The following APEX2 variants were observed in gnomAD, a reference collection of about 807,000 sequenced individuals.
APEX2 encodes DNA-(apurinic or apyrimidinic site) endonuclease 2.
APEX2 carries 4 observed loss-of-function variants against 16.7 expected under a neutral mutation model. The ratio of observed to expected loss-of-function variants is 0.24; its 90% CI spans 0.12 to 0.55. The LOEUF (loss-of-function observed/expected upper bound fraction) is 0.55, where lower values mean the gene tolerates loss of function less well. APEX2 is among the 20% of genes least tolerant of loss of function. The probability of loss-of-function intolerance (pLI) is 0.94; values close to 1 mark genes in which losing one functional copy is unlikely to be tolerated. For synonymous variants in APEX2, 181 were observed against 166.9 expected (o/e 1.08, Z -0.65); for missense variants, 357 against 433.6 (o/e 0.82, Z 1.57).
At chrX:55,004,689 C>T (rs1226505835) in intron 5 of APEX2, among the ~76,000 whole-genome samples, 1 of 111,483 alleles carries the variant, frequency 9.0e-6, no homozygotes, top group Non-Finnish European at 1.9e-5. Context: ...AAGTTATTCT[C>T]ATTCTGGCTT....
chrX:55,000,723 A>G, intron 1 of APEX2, 144 bp downstream of exon 1: 3 of 677,497 alleles, frequency 4.4e-6, no homozygotes, highest in East Asian at 8.1e-5. Flanking sequence ...TTAAACTTCC[A>G]TTTCCCACCC....
At position 55,000,451 on chromosome X, in the gene APEX2, A is replaced by G. The variant is rs753400276; in HGVS notation, c.29A>G (p.Asn10Ser). The G allele has an allele frequency of 5.8e-6, 7 of 1,198,501 alleles. No individual in the cohort carries two copies. The Admixed American group carries it at 1.1e-4, about 19-fold the overall frequency. MLRVVSWNINGIRRPLQGVA... is the reference protein window; with the variant it reads MLRVVSWNISGIRRPLQGVA... ...TTGCGCGTGGTGAGCTGGAACATCA[A>G]TGGGATTCGGAGACCCCTGCAAGGG... The change falls in exon 1 of 6, where the codon AAT becomes AGT. Residue 10 changes from asparagine to serine, a missense_variant. Coordinates refer to ENST00000374987, the MANE Select transcript of APEX2 (RefSeq NM_014481.4).
In APEX2 at chrX:55,001,348, C is replaced by T. The variant is rs774310219; in HGVS notation, c.158-198C>T. On this transcript the variant is annotated intron_variant, in intron 1 of 5. Coordinates refer to ENST00000374987, the MANE Select transcript of APEX2 (RefSeq NM_014481.4). ...CTCTAACCGCCCCCCACCAAGCCTT[C>T]TAATTCTGATATCAATTTCCTCTCT... Among the ~76,000 whole-genome samples, 275 of 111,373 alleles carry T rather than the reference C, an allele frequency of 2.5e-3. 1 individual carries two copies. Among genetic ancestry groups the T allele is most frequent in the African/African-American group, 8.3e-3 (254 of 30,573 alleles).
chrX:55,003,337 A>T (rs1291941744), intron 4 of APEX2, among the ~76,000 whole-genome samples: 1 of 112,962 alleles, frequency 8.9e-6, no homozygotes, highest in Non-Finnish European at 1.9e-5. Context: ...CCCTAGGGCT[A>T]GTCTTGCCTC....
intron 5 of APEX2, among the ~76,000 whole-genome samples, chrX:55,004,853 A>G (rs974515385): frequency 3.6e-5 from 4 of 111,638 alleles, no homozygotes; most frequent in Non-Finnish European, 5.6e-5. Context: ...CTCCAGATCA[A>G]TGAACTCAGA....
chrX:55,005,241 T>C (rs997639618), intron 5 of APEX2, among the ~76,000 whole-genome samples: 2 of 112,073 alleles, frequency 1.8e-5, no homozygotes, highest in Non-Finnish European at 3.8e-5. Context: ...ATTCCTCTTA[T>C]GCATTCATTC....
chrX:55,000,820 C>T (rs1184991434), intron 1 of APEX2, among the ~76,000 whole-genome samples: 3 of 109,860 alleles, frequency 2.7e-5, no homozygotes, highest in Middle Eastern at 4.6e-3. Context: ...CAGATTCCCA[C>T]TCATTCTCCG....
intron 4 of APEX2, among the ~76,000 whole-genome samples, 194 bp from the exon 5 acceptor site, chrX:55,003,605 A>G (rs930654962): frequency 9.0e-6 from 1 of 111,424 alleles, no homozygotes; most frequent in Admixed American, 9.5e-5. Context: ...ACCTTTGGAG[A>G]TCAGAATTGG....
chrX:55,000,664 CAGTTTCCT>C (rs1935426445), intron 1 of APEX2, 85 bp downstream of exon 1: 7 of 1,047,454 alleles, frequency 6.7e-6, no homozygotes, highest in Non-Finnish European at 8.8e-6. Flanking sequence ...TTTACTTTCC[CAGTTTCCT>C]ATTCTTAGAG....
intron 1 of APEX2, among the ~76,000 whole-genome samples, chrX:55,001,017 TATCTATTCCC>T (rs1168681336): frequency 9.2e-6 from 1 of 109,204 alleles, no homozygotes; most frequent in East Asian, 2.9e-4. Flanking sequence ...CAGTACCCCT[TATCTATTCCC>T]ATCTCTCCTC....
At position 55,002,369 on chromosome X, in the gene APEX2, C is replaced by T. The variant is rs868844014; in HGVS notation, c.360C>T (p.Thr120=). Residue 120 remains threonine (T), a synonymous_variant, in exon 3 of 6, where the codon ACC becomes ACT. Transcript: ENST00000374987. ...VGCYGNMDEF[T]QEELRALDSE... ...GCTATGGAAACATGGATGAGTTTAC[C>T]CAAGAGGAACTCCGGGCTCTGGATA... 8.3e-7 allele frequency: 1 copy of T among 1,210,376 alleles called. No homozygotes were observed. The highest frequency in any genetic ancestry group is 1.8e-5 in the South Asian group (1 of 56,633).
Position 55,007,560 on chromosome X carries a change from G to A in APEX2, c.*125G>A, listed in dbSNP as rs1268009601. On this transcript the variant is annotated 3_prime_UTR_variant, in exon 6 of 6. Coordinates refer to ENST00000374987, the MANE Select transcript of APEX2 (RefSeq NM_014481.4). ...TCCTACCCTTCTCTTCCTCTTTTAA[G>A]CCCTCTCTTCCTCGCTTTCCTTCCT... 1.3e-6 allele frequency: 1 copy of A among 796,639 alleles called. No homozygotes were observed. Among genetic ancestry groups the A allele is most frequent in the African/African-American group, 2.1e-5 (1 of 46,922 alleles). 65.7% of individuals were successfully genotyped at this position (796,639 alleles called of 1,213,427 possible).
chrX:55,003,812 C>T lies in APEX2; in HGVS notation c.583C>T (p.Leu195=), dbSNP rs374229738. 83 of 1,209,313 alleles carry T rather than the reference C, an allele frequency of 6.9e-5. No individual in the cohort carries two copies. The highest frequency in any genetic ancestry group is 1.1e-4 in the Admixed American group (5 of 45,778). ...LLAAGSHVII[L]GDLNTAHRPI... is the part of the protein sequence containing the mutation. ...TGTGTTTTTCAGCCATGTGATCATT[C>T]TGGGTGACCTGAATACAGCCCACCG... is the stretch of plus-strand genomic sequence containing the variant. The change falls in exon 5 of 6, where the codon CTG becomes TTG. Residue 195 remains leucine (L), a synonymous_variant. Transcript: ENST00000374987.
chrX:55,001,142 C>T (rs1408422898), intron 1 of APEX2, among the ~76,000 whole-genome samples: 1 of 108,699 alleles, frequency 9.2e-6, no homozygotes, highest in Non-Finnish European at 1.9e-5. Flanking sequence ...AATTCCTTTT[C>T]CCTCCACCCC....
Position 55,003,071 on chromosome X carries a change from C to T in APEX2, c.532C>T (p.Leu178=). The T allele has an allele frequency of 8.2e-7, 1 of 1,212,190 alleles. No individual in the cohort carries two copies. Among genetic ancestry groups the T allele is most frequent in the African/African-American group, 1.7e-5 (1 of 57,959 alleles). Reference sequence around the variant, plus strand: ...CTTTAAGATGCGCTTCTATCGTTTGCTGCAAATCCGAGCAGAAGCCCTCCT... The same window carrying T: ...CTTTAAGATGCGCTTCTATCGTTTGTTGCAAATCCGAGCAGAAGCCCTCCT... ...LVFKMRFYRL[L]QIRAEALLAA... Residue 178 remains leucine, a synonymous_variant, in exon 4 of 6, where the codon CTG becomes TTG. Coordinates refer to ENST00000374987, the MANE Select transcript of APEX2 (RefSeq NM_014481.4).
In APEX2 at chrX:55,000,401, G is replaced by A; in HGVS notation, c.-22G>A. On this transcript the variant is annotated 5_prime_UTR_variant, in exon 1 of 6. Transcript: ENST00000374987. ...CTCGCGCCTAGGTTGGCGCGGGCTGGGAGGTGTTCCAGCCCTTTAAGATGT... is the reference window on the plus strand; with the variant it reads ...CTCGCGCCTAGGTTGGCGCGGGCTGAGAGGTGTTCCAGCCCTTTAAGATGT... The A allele has an allele frequency of 2.6e-6, 3 of 1,145,341 alleles. No individual in the cohort carries two copies. The highest frequency in any genetic ancestry group is 3.5e-6 in the Non-Finnish European group (3 of 861,066). 94.4% of individuals were successfully genotyped at this position (1,145,341 alleles called of 1,213,427 possible). A position where few individuals can be genotyped will look rare whatever the true frequency, so the allele number is the denominator to read the frequency against.
intron 3 of APEX2, among the ~76,000 whole-genome samples, chrX:55,002,706 G>C (rs1459493760): frequency 9.1e-6 from 1 of 110,276 alleles, no homozygotes; most frequent in Non-Finnish European, 1.9e-5. Flanking sequence ...GCTGAACTCA[G>C]TGCCCCAGGT....
chrX:55,007,598 G>C lies in APEX2; in HGVS notation c.*163G>C. The C allele has an allele frequency of 3.5e-6, 2 of 567,473 alleles. No homozygotes were observed. The highest frequency in any genetic ancestry group is 5.2e-6 in the Non-Finnish European group (2 of 384,177). The allele number at this position is 567,473 out of a possible 1,213,427, so 46.8% of individuals were successfully genotyped here. A position where few individuals can be genotyped will look rare whatever the true frequency, so the allele number is the denominator to read the frequency against. On this transcript the variant is annotated 3_prime_UTR_variant, in exon 6 of 6. Transcript: ENST00000374987. ...CGCTTTCCTTCCTACCTAGCTCCTT[G>C]TTGGTGAGCTTCTTGTGCCTTAATC...
In APEX2 at chrX:55,007,350, G is replaced by A. The variant is rs1392767826; in HGVS notation, c.1472G>A (p.Arg491His). ...VKKPGPNLGR[R>H]FYMCARPRGP... The stretch of plus-strand genomic sequence containing the variant: ...AAGCCAGGACCCAACTTGGGCCGCC[G>A]CTTCTACATGTGTGCCAGGCCCCGG... Residue 491 changes from arginine to histidine, a missense_variant, in exon 6 of 6, where the codon CGC becomes CAC. By Grantham distance (29) the Arg-to-His change is conservative. Coordinates refer to ENST00000374987, the MANE Select transcript of APEX2 (RefSeq NM_014481.4). The A allele has an allele frequency of 1.2e-5, 15 of 1,201,673 alleles. No homozygotes were observed. The highest frequency in any genetic ancestry group is 1.7e-5 in the African/African-American group (1 of 57,148).
Sources: allele counts gnomAD v4.1 joint callset (sites outside exome capture counted in the v4.1 genomes callset), GRCh38; gene constraint gnomAD v4.1.1; transcripts MANE v1.5; gene names NCBI Gene and HGNC (gene_info 2026-07-23, HGNC 2026-07-21).